Variants in FSTL4 observed in about 807,000 individuals in gnomAD.
FSTL4 encodes the protein follistatin like 4, also known as follistatin-related protein 4.
In FSTL4, 28 loss-of-function variants were observed where a neutral mutation model predicts 78.2. The ratio of observed to expected loss-of-function variants is 0.36; its 90% CI spans 0.27 to 0.49. The LOEUF (loss-of-function observed/expected upper bound fraction) is 0.49, where lower values mean the gene tolerates loss of function less well. FSTL4 is among the 20% of genes least tolerant of loss of function. FSTL4 has a pLI of 0.98. For synonymous variants in FSTL4, 422 were observed against 440.5 expected (o/e 0.96, Z 0.53); for missense variants, 922 against 1,084.9 (o/e 0.85, Z 2.11).
At chr5:133,681,650 T>C in the FSTL4 span, among the ~76,000 whole-genome samples, 1 of 152,106 alleles carries the variant, frequency 6.6e-6, no homozygotes, top group Admixed American at 6.5e-5. Flanking sequence ...TATTACAAAA[T>C]GTGATTTTAG....
chr5:133,245,033 T>A (rs896170286), intron 7 of FSTL4, among the ~76,000 whole-genome samples: 26 of 150,036 alleles, frequency 1.7e-4, no homozygotes, highest in African/African-American at 5.9e-4. Flanking sequence ...GATGGGAGGA[T>A]CGCTTGAGCT....
chr5:133,578,443 T>C (rs1580801157), intron 2 of FSTL4, among the ~76,000 whole-genome samples: 1 of 152,198 alleles, frequency 6.6e-6, no homozygotes, highest in African/African-American at 2.4e-5. Flanking sequence ...CTCAGAAACA[T>C]GGGCAGAATC....
At chr5:133,454,687 C>T (rs773215517) in intron 3 of FSTL4, among the ~76,000 whole-genome samples, 2 of 152,216 alleles carry the variant, frequency 1.3e-5, no homozygotes, top group African/African-American at 4.8e-5. Flanking sequence ...ATGGCTGCCC[C>T]GCTCTGTGAT....
chr5:133,202,800 G>A (rs1346855745), intron 14 of FSTL4: 1 of 152,262 alleles, frequency 6.6e-6, no homozygotes, highest in African/African-American at 2.4e-5. Flanking sequence ...GACAGAGCAC[G>A]GCTGCCTCTG....
the FSTL4 span, among the ~76,000 whole-genome samples, chr5:133,743,426 A>T: frequency 6.6e-6 from 1 of 152,208 alleles, no homozygotes; most frequent in Admixed American, 6.5e-5. Context: ...GGAGTCACAG[A>T]CCAGGGGCTG....
chr5:133,323,357 G>A (rs928920533), intron 4 of FSTL4, among the ~76,000 whole-genome samples: 1 of 152,226 alleles, frequency 6.6e-6, no homozygotes, highest in African/African-American at 2.4e-5. Context: ...AGTGGTTGGC[G>A]AGGCCTGGGG....
chr5:133,407,215 A>G (rs1293976415), intron 3 of FSTL4, among the ~76,000 whole-genome samples: 2 of 152,210 alleles, frequency 1.3e-5, no homozygotes, highest in Non-Finnish European at 2.9e-5. Flanking sequence ...TGTGAACATC[A>G]CAGGCCCAAA....
At chr5:133,477,037 TG>T (rs886571632) in intron 3 of FSTL4, among the ~76,000 whole-genome samples, 8 of 152,258 alleles carry the variant, frequency 5.3e-5, no homozygotes, top group Admixed American at 3.9e-4. Context: ...TGAAGACTTT[TG>T]TGCCCCTGCA....
intron 4 of FSTL4, among the ~76,000 whole-genome samples, chr5:133,346,081 T>C (rs1417132070): frequency 6.6e-6 from 1 of 152,224 alleles, no homozygotes. Flanking sequence ...AATGAGTTCA[T>C]GTCCTTTGCA....
chr5:133,296,587 C>T (rs905850064), intron 6 of FSTL4, among the ~76,000 whole-genome samples: 3 of 152,184 alleles, frequency 2.0e-5, no homozygotes, highest in African/African-American at 7.2e-5. Context: ...CCAGTGACTG[C>T]GTGGCGAGTG....
chr5:133,237,012 G>A (rs889818333), intron 7 of FSTL4, among the ~76,000 whole-genome samples: 1 of 152,156 alleles, frequency 6.6e-6, no homozygotes. Context: ...AATAGCTGTC[G>A]AGGGGACTGT....
rs1325693152 is a variant in FSTL4 at position 133,338,467 on chromosome 5, T to C, written c.410-21815A>G. On this transcript the variant is annotated intron_variant, in intron 4 of 15. Transcript: ENST00000265342. This position sits in a 1 kb window ranked among gnomAD's most constrained non-coding sequence, Gnocchi z 4.0. ...TGCTTTTCTAGGTTCCCAGAAGCTG[T>C]GGTTCTTTGGGACGTGGAGTGGCAT... Among the ~76,000 whole-genome samples, 4 of 152,128 alleles carry C rather than the reference T, an allele frequency of 2.6e-5. No individual in the cohort carries two copies. The highest frequency in any genetic ancestry group is 9.7e-5 in the African/African-American group (4 of 41,406).
At chr5:133,750,523 G>A in the FSTL4 span, among the ~76,000 whole-genome samples, 3 of 152,104 alleles carry the variant, frequency 2.0e-5, no homozygotes, top group African/African-American at 7.2e-5. Flanking sequence ...ACCAGCAGGA[G>A]CATCACTGTG....
chr5:133,705,869 G>GCGCGCGCACA, the FSTL4 span, among the ~76,000 whole-genome samples: 12 of 147,806 alleles, frequency 8.1e-5, no homozygotes, highest in African/African-American at 2.7e-4. Flanking sequence ...ACACACACAC[G>GCGCGCGCACA]CACACACACA....
At position 133,221,904 on chromosome 5, in the gene FSTL4, T is replaced by TGTTTTTTG. The variant is rs796432581; in HGVS notation, c.1340-1039_1340-1038insCAAAAAAC. On this transcript the variant is annotated intron_variant, in intron 11 of 15. Coordinates refer to ENST00000265342, the MANE Select transcript of FSTL4 (RefSeq NM_015082.2). The stretch of plus-strand genomic sequence containing the variant: ...ATCTCTTTTCTAGTTTTTTTTTTTT[T>TGTTTTTTG]TTTTTTTTTTTTTTTTTTTTTTTAG... Among the ~76,000 whole-genome samples the TGTTTTTTG allele has an allele frequency of 1.2e-3, 123 of 106,198 alleles. 1 individual carries two copies. The highest frequency in any genetic ancestry group is 5.3e-3 in the African/African-American group (109 of 20,510). 69.7% of individuals were successfully genotyped at this position (106,198 alleles called of 152,430 possible).
At chr5:133,532,975 G>A (rs1759286835) in intron 3 of FSTL4, among the ~76,000 whole-genome samples, 1 of 152,174 alleles carries the variant, frequency 6.6e-6, no homozygotes, top group East Asian at 1.9e-4. Flanking sequence ...ATGAACCCCA[G>A]AGACCCTGTC....
At chr5:133,544,357 T>C (rs978498843) in intron 3 of FSTL4, among the ~76,000 whole-genome samples, 27 of 152,322 alleles carry the variant, frequency 1.8e-4, no homozygotes, top group African/African-American at 6.0e-4. Flanking sequence ...TAAAATTTTA[T>C]TCAAAGATAT....
At chr5:133,211,807 T>A (rs1171081633) in intron 13 of FSTL4, among the ~76,000 whole-genome samples, 1 of 152,192 alleles carries the variant, frequency 6.6e-6, no homozygotes, top group Non-Finnish European at 1.5e-5. Context: ...TGGCTTCTAA[T>A]AACCCTCTAT....
intron 3 of FSTL4, among the ~76,000 whole-genome samples, chr5:133,449,096 C>A (rs1392872187): frequency 1.3e-5 from 2 of 152,194 alleles, no homozygotes; most frequent in Non-Finnish European, 2.9e-5. Flanking sequence ...CTCTGATCCC[C>A]TGAAGATGAC....
Sources: allele counts gnomAD v4.1 joint callset (sites outside exome capture counted in the v4.1 genomes callset), GRCh38; gene constraint gnomAD v4.1.1; non-coding constraint Gnocchi (gnomAD v3.1); transcripts MANE v1.5; gene names NCBI Gene and HGNC (gene_info 2026-07-23, HGNC 2026-07-21).